The following TENM3 variants were observed in gnomAD, a reference collection of about 807,000 sequenced individuals.
TENM3 encodes teneurin-3.
TENM3 carries 63 observed loss-of-function variants against 255.1 expected under a neutral mutation model. The ratio of observed to expected loss-of-function variants is 0.25; its 90% confidence interval spans 0.20 to 0.30. TENM3 has a LOEUF of 0.30. Ranked by LOEUF, TENM3 falls within the 10% of genes least tolerant of loss-of-function variation. The pLI is 1.00. For synonymous variants in TENM3, 1,306 were observed against 1,322.3 expected (o/e 0.99, Z 0.27); for missense variants, 2,929 against 3,461.1 (o/e 0.85, Z 3.86).
At chr4:181,749,155 C>T in the TENM3 span, among the ~76,000 whole-genome samples, 10 of 151,922 alleles carry the variant, frequency 6.6e-5, no homozygotes, top group Non-Finnish European at 1.5e-4. Flanking sequence ...TTGACTTTAT[C>T]CCTTGTGATT....
At chr4:182,668,099 C>A (rs533736179) in intron 6 of TENM3, among the ~76,000 whole-genome samples, 2 of 151,944 alleles carry the variant, frequency 1.3e-5, no homozygotes, top group South Asian at 4.2e-4. Flanking sequence ...CCTAAATACC[C>A]CATTGTTAAC....
chr4:181,649,930 G>A, the TENM3 span, among the ~76,000 whole-genome samples: 8 of 152,248 alleles, frequency 5.3e-5, no homozygotes, highest in South Asian at 2.1e-4. Context: ...GGAAGGAAGC[G>A]GTAGCTGAAA....
intron 22 of TENM3, 84 bp from the exon 23 acceptor site, chr4:182,773,388 C>T: frequency 7.9e-7 from 1 of 1,271,312 alleles, no homozygotes. Context: ...ATTTGTGCAA[C>T]TAATATTGCT....
chr4:182,161,955 GTGTGTA>G (rs1277297885), intron 1 of TENM3, among the ~76,000 whole-genome samples: 263 of 12,736 alleles, frequency 0.021, 31 homozygotes, highest in African/African-American at 0.063. Flanking sequence ...TTGTGTGTGT[GTGTGTA>G]TATATATATA....
the TENM3 span, among the ~76,000 whole-genome samples, chr4:182,121,959 A>G: frequency 3.3e-5 from 5 of 152,226 alleles, no homozygotes; most frequent in East Asian, 9.6e-4. Context: ...CCACTGCTTT[A>G]TCAACTAAGT....
chr4:182,124,328 A>G, the TENM3 span, among the ~76,000 whole-genome samples: 1 of 152,214 alleles, frequency 6.6e-6, no homozygotes, highest in Non-Finnish European at 1.5e-5. Context: ...CTGGGATTAC[A>G]GGCGTGAGCC....
At chr4:181,785,279 T>C in the TENM3 span, among the ~76,000 whole-genome samples, 78 of 152,106 alleles carry the variant, frequency 5.1e-4, no homozygotes, top group Non-Finnish European at 9.7e-4. Context: ...TTAGAAAGCT[T>C]AATAAATGAA....
At chr4:182,056,657 G>A in the TENM3 span, among the ~76,000 whole-genome samples, 18 of 152,242 alleles carry the variant, frequency 1.2e-4, 1 homozygote, top group Admixed American at 2.0e-4. Context: ...GCTAAATGCC[G>A]GCAGCTGCAT....
At chr4:182,524,953 C>T (rs114875286) in intron 3 of TENM3, among the ~76,000 whole-genome samples, 2,860 of 152,170 alleles carry the variant, frequency 0.019, 74 homozygotes, top group East Asian at 0.044. Flanking sequence ...TTGCTTGAAC[C>T]CAAGAAGTGG....
intron 6 of TENM3, among the ~76,000 whole-genome samples, chr4:182,667,178 T>A (rs575661821): frequency 1.2e-5 from 1 of 83,232 alleles, no homozygotes; most frequent in African/African-American, 4.7e-5. Context: ...ACCATTTTTT[T>A]GTTTTGTTTT....
chr4:181,643,338 T>C, the TENM3 span, among the ~76,000 whole-genome samples: 303 of 152,232 alleles, frequency 2.0e-3, 3 homozygotes, highest in Middle Eastern at 6.8e-3. Flanking sequence ...GCACATTAAT[T>C]TTGTATCCTG....
intron 4 of TENM3, among the ~76,000 whole-genome samples, chr4:182,601,542 C>T (rs537636100): frequency 1.3e-3 from 196 of 152,222 alleles, no homozygotes; most frequent in Non-Finnish European, 2.3e-3. Context: ...TGGTTCTAGA[C>T]CTCTGTACTT....
At position 182,168,980 on chromosome 4, in the gene TENM3, A is replaced by G. The variant is rs550226532; in HGVS notation, c.-76+24226A>G. Among the ~76,000 whole-genome samples the G allele has an allele frequency of 2.0e-5, 3 of 152,270 alleles. No individual in the cohort carries two copies. In the East Asian group the frequency reaches 5.8e-4, roughly 29 times the overall value. On this transcript the variant is annotated intron_variant, in intron 1 of 2. Coordinates refer to the TENM3 transcript ENST00000512480. ...TATGTATACTTACAGGCTTAAAAAA[A>G]TCATTCACATGGTCCAAAGTGACTG...
At chr4:181,837,983 C>G in the TENM3 span, among the ~76,000 whole-genome samples, 1 of 151,994 alleles carries the variant, frequency 6.6e-6, no homozygotes, top group Non-Finnish European at 1.5e-5. Context: ...ACTAAAAATA[C>G]AAAAATTACC....
the TENM3 span, among the ~76,000 whole-genome samples, chr4:181,467,123 A>ATTTTTTTTT: frequency 1.1e-4 from 2 of 17,982 alleles, no homozygotes; most frequent in African/African-American, 3.9e-4. Context: ...ATATATATAT[A>ATTTTTTTTT]TATTTTTTTT....
intron 3 of TENM3, among the ~76,000 whole-genome samples, chr4:182,509,503 TAGA>T (rs1737162450): frequency 6.6e-6 from 1 of 152,228 alleles, no homozygotes; most frequent in African/African-American, 2.4e-5. Context: ...TCTGGAATAT[TAGA>T]AGGACAATAT....
chr4:182,632,489 A>G (rs1751462354), intron 5 of TENM3, among the ~76,000 whole-genome samples: 1 of 152,150 alleles, frequency 6.6e-6, no homozygotes, highest in Non-Finnish European at 1.5e-5. Flanking sequence ...AAAGGTTGTT[A>G]TTTTGATTTA....
intron 4 of TENM3, 24 bp from the exon 5 acceptor site, chr4:182,628,627 T>C (rs753264804): frequency 2.1e-6 from 3 of 1,408,986 alleles, no homozygotes; most frequent in Non-Finnish European, 2.0e-6. Flanking sequence ...TTGTATCTTA[T>C]AATGATATTC....
At chr4:182,486,316 G>GA (rs1448191386) in intron 3 of TENM3, among the ~76,000 whole-genome samples, 19 of 25,338 alleles carry the variant, frequency 7.5e-4, no homozygotes, top group Non-Finnish European at 3.0e-3. Flanking sequence ...AATTGTGTGT[G>GA]GGGGGGAGGG....
Sources: allele counts gnomAD v4.1 joint callset (sites outside exome capture counted in the v4.1 genomes callset), GRCh38; gene constraint gnomAD v4.1.1; transcripts MANE v1.5; gene names NCBI Gene and HGNC (gene_info 2026-07-23, HGNC 2026-07-21).